Variants in BCKDHB observed in about 807,000 individuals in gnomAD.
BCKDHB encodes the protein 2-oxoisovalerate dehydrogenase subunit beta, mitochondrial.
Under a neutral mutation model 48.5 loss-of-function variants are expected in BCKDHB, and 41 were observed. The observed-to-expected ratio is 0.85, with a 90% confidence interval of 0.66 to 1.10. The LOEUF is 1.10. Ranked by LOEUF, BCKDHB falls within the 50% of genes least tolerant of loss-of-function variation. The pLI is 0.00. For missense variants in BCKDHB, 496 were observed against 494.2 expected (o/e 1.00, Z -0.03); for synonymous variants, 201 against 174.8 (o/e 1.15, Z -1.18).
At chr6:80,249,225 A>G (rs1333766732) in intron 8 of BCKDHB, among the ~76,000 whole-genome samples, 1 of 151,870 alleles carries the variant, frequency 6.6e-6, no homozygotes, top group Non-Finnish European at 1.5e-5. Flanking sequence ...AAGCATTGCT[A>G]AATGTTCCTT....
At chr6:80,415,152 G>A in the BCKDHB span, among the ~76,000 whole-genome samples, 13 of 152,202 alleles carry the variant, frequency 8.5e-5, no homozygotes, top group South Asian at 2.1e-3. Flanking sequence ...TCAGCTGAAG[G>A]CGCTTTTGGG....
the BCKDHB span, among the ~76,000 whole-genome samples, chr6:80,372,352 G>A: frequency 1.3e-5 from 2 of 151,976 alleles, no homozygotes; most frequent in Admixed American, 1.3e-4. Flanking sequence ...CCAGTTCTAG[G>A]AGCTTTTCGG....
At chr6:80,285,888 A>T (rs676213) in intron 9 of BCKDHB, among the ~76,000 whole-genome samples, 121,293 of 152,018 alleles carry the variant, frequency 0.8, 48,565 homozygotes, top group Admixed American at 0.87. Context: ...GCTTAATACC[A>T]TTCGAAAAGC....
At chr6:80,150,550 CTTTT>C (rs758701261) in intron 3 of BCKDHB, among the ~76,000 whole-genome samples, 1 of 105,462 alleles carries the variant, frequency 9.5e-6, no homozygotes, top group African/African-American at 3.6e-5. Context: ...AGTTTGTCAT[CTTTT>C]TTTTTTTTTT....
intron 3 of BCKDHB, among the ~76,000 whole-genome samples, chr6:80,150,257 T>A (rs956086823): frequency 6.6e-6 from 1 of 152,160 alleles, no homozygotes; most frequent in Non-Finnish European, 1.5e-5. Flanking sequence ...CATCTAGTAC[T>A]GTACCTGTAA....
chr6:80,205,796 GTGTGTGTGTGT>G (rs1774620993), intron 8 of BCKDHB, among the ~76,000 whole-genome samples: 1 of 134,964 alleles, frequency 7.4e-6, no homozygotes, highest in Non-Finnish European at 1.6e-5. Context: ...CCATGGGTGT[GTGTGTGTGTGT>G]GTGTGTGTGT....
intron 4 of BCKDHB, among the ~76,000 whole-genome samples, 188 bp from the exon 5 acceptor site, chr6:80,168,687 G>A (rs1772713375): frequency 7.0e-6 from 1 of 143,328 alleles, no homozygotes; most frequent in Non-Finnish European, 1.5e-5. Flanking sequence ...GACTTATTGT[G>A]CTATGGGAAA....
chr6:80,333,619 T>C (rs961608212), intron 9 of BCKDHB, among the ~76,000 whole-genome samples: 7 of 152,126 alleles, frequency 4.6e-5, no homozygotes, highest in African/African-American at 1.7e-4. Flanking sequence ...GTATGACAAA[T>C]ACACAAACTC....
chr6:80,423,125 C>A, the BCKDHB span, among the ~76,000 whole-genome samples: 1 of 152,222 alleles, frequency 6.6e-6, no homozygotes, highest in African/African-American at 2.4e-5. Context: ...CCATGCTATT[C>A]TTATGATAGC....
chr6:80,333,101 A>G (rs768891198), intron 9 of BCKDHB, among the ~76,000 whole-genome samples: 1 of 152,196 alleles, frequency 6.6e-6, no homozygotes, highest in Non-Finnish European at 1.5e-5. Flanking sequence ...AGATAATTCT[A>G]CTAGTCTCTT....
the BCKDHB span, among the ~76,000 whole-genome samples, chr6:80,412,318 AT>A: frequency 2.7e-5 from 4 of 150,650 alleles, no homozygotes; most frequent in African/African-American, 4.9e-5. Context: ...TAATTTTTGT[AT>A]TTTTTTTAGT....
chr6:80,157,615 G>A (rs1772111371), intron 3 of BCKDHB, among the ~76,000 whole-genome samples: 1 of 151,276 alleles, frequency 6.6e-6, no homozygotes, highest in Admixed American at 6.6e-5. Flanking sequence ...ACAGGCATGT[G>A]CCACCACACC....
intron 9 of BCKDHB, among the ~76,000 whole-genome samples, chr6:80,313,421 C>T (rs774555013): frequency 1.1e-4 from 16 of 152,084 alleles, no homozygotes; most frequent in Non-Finnish European, 1.6e-4. Context: ...AGTGCAGTGG[C>T]GCGATCTCAG....
chr6:80,456,420 T>A, the BCKDHB span, among the ~76,000 whole-genome samples: 1 of 152,098 alleles, frequency 6.6e-6, no homozygotes, highest in African/African-American at 2.4e-5. Flanking sequence ...GCCCCATCAT[T>A]CACACTTCCT....
At chr6:80,154,723 C>G (rs1771956073) in intron 3 of BCKDHB, among the ~76,000 whole-genome samples, 1 of 152,094 alleles carries the variant, frequency 6.6e-6, no homozygotes, top group African/African-American at 2.4e-5. Context: ...TGCCCAACTT[C>G]AAGAGCATTT....
At chr6:80,462,535 CAATT>C in the BCKDHB span, among the ~76,000 whole-genome samples, 1 of 152,086 alleles carries the variant, frequency 6.6e-6, no homozygotes, top group Non-Finnish European at 1.5e-5. Context: ...AGATAATAGA[CAATT>C]AATTTTAGGT....
At chr6:80,259,997 A>G (rs899325488) in intron 8 of BCKDHB, among the ~76,000 whole-genome samples, 3 of 152,070 alleles carry the variant, frequency 2.0e-5, no homozygotes, top group South Asian at 2.1e-4. Flanking sequence ...TCCAGCCCCT[A>G]TTTTGTATTG....
At chr6:80,377,580 C>T in the BCKDHB span, among the ~76,000 whole-genome samples, 1 of 152,116 alleles carries the variant, frequency 6.6e-6, no homozygotes, top group South Asian at 2.1e-4. Context: ...CCAGTTATTT[C>T]ACCACCATTT....
At chr6:80,139,097 T>G (rs1771047926) in intron 3 of BCKDHB, among the ~76,000 whole-genome samples, 1 of 152,236 alleles carries the variant, frequency 6.6e-6, no homozygotes, top group African/African-American at 2.4e-5. Flanking sequence ...TGCATAAATG[T>G]CTTCTTCTGA....
Sources: allele counts gnomAD v4.1 joint callset (sites outside exome capture counted in the v4.1 genomes callset), GRCh38; gene constraint gnomAD v4.1.1; transcripts MANE v1.5; gene names NCBI Gene and HGNC (gene_info 2026-07-23, HGNC 2026-07-21).